The following SLC12A2 variants were observed in gnomAD, a reference collection of about 807,000 sequenced individuals.
The protein encoded by SLC12A2 is Na-K-2Cl cotransporter 1.
In SLC12A2, 67 loss-of-function variants were observed where a neutral mutation model predicts 136.3. The observed-to-expected ratio is 0.49, with a 90% CI of 0.40 to 0.60. SLC12A2 has a LOEUF of 0.60. Among genes scored for constraint, SLC12A2 ranks in the 20% least tolerant of loss-of-function variants. The probability of loss-of-function intolerance (pLI) is 0.00; values close to 1 mark genes in which losing one functional copy is unlikely to be tolerated. For synonymous variants in SLC12A2, 619 were observed against 562.9 expected, an observed-to-expected ratio of 1.10 and a Z score of -1.41; for missense variants, 1,322 against 1,534.7, an observed-to-expected ratio of 0.86 and a Z score of 2.32.
At chr5:128,087,808 G>A (rs1174661479) in intron 1 of SLC12A2, among the ~76,000 whole-genome samples, 1 of 152,072 alleles carries the variant, frequency 6.6e-6, no homozygotes, top group Non-Finnish European at 1.5e-5. Context: ...ACAAAGGATT[G>A]GATGTGGGAG....
At chr5:128,134,397 C>T in intron 6 of SLC12A2, 122 bp downstream of exon 6, 1 of 605,248 alleles carries the variant, frequency 1.7e-6, no homozygotes, top group Non-Finnish European at 3.0e-6. Flanking sequence ...TGGCCATTTT[C>T]ACAAATGTTT....
intron 14 of SLC12A2, 133 bp from the exon 15 acceptor site, chr5:128,152,573 G>C: frequency 1.5e-6 from 1 of 651,258 alleles, no homozygotes; most frequent in East Asian, 2.7e-5. Context: ...GTGAACTATT[G>C]AAAGTACAAT....
chr5:128,186,074 A>T (rs576381491), intron 26 of SLC12A2, among the ~76,000 whole-genome samples: 17 of 152,032 alleles, frequency 1.1e-4, no homozygotes, highest in Middle Eastern at 3.4e-3. Context: ...ATATATATAT[A>T]TTTTTACTGT....
At chr5:128,147,056 C>T (rs576498726) in intron 10 of SLC12A2, among the ~76,000 whole-genome samples, 40 of 146,654 alleles carry the variant, frequency 2.7e-4, no homozygotes, top group African/African-American at 4.7e-4. Flanking sequence ...ACTGAAGAGA[C>T]GCATAAACCA....
chr5:128,134,539 G>T (rs915228305), intron 6 of SLC12A2, among the ~76,000 whole-genome samples: 3 of 152,060 alleles, frequency 2.0e-5, no homozygotes, highest in Non-Finnish European at 4.4e-5. Context: ...CAGTTTTGCA[G>T]TATGTAAAAA....
At chr5:128,110,400 G>C (rs915992734) in intron 1 of SLC12A2, 1 of 1,024,586 alleles carries the variant, frequency 9.8e-7, no homozygotes, top group Non-Finnish European at 1.6e-6. Context: ...AAACTCCACA[G>C]CTGTCTTGAG....
At chr5:128,132,802 A>G (rs1436964746) in intron 5 of SLC12A2, among the ~76,000 whole-genome samples, 4 of 152,164 alleles carry the variant, frequency 2.6e-5, no homozygotes, top group Non-Finnish European at 5.9e-5. Context: ...ATTAGAGTTT[A>G]TATTCTTTCA....
intron 5 of SLC12A2, 57 bp downstream of exon 5, chr5:128,131,263 G>A: frequency 1.3e-6 from 2 of 1,541,994 alleles, no homozygotes; most frequent in African/African-American, 1.4e-5. Context: ...GGGATTATAT[G>A]CCGATCACCA....
At position 128,126,687 on chromosome 5, in the gene SLC12A2, T is replaced by C. The variant is rs80223954; in HGVS notation, c.1049-4380T>C. On this transcript the variant is annotated intron_variant, in intron 4 of 26. Coordinates refer to ENST00000262461, the MANE Select transcript of SLC12A2 (RefSeq NM_001046.3). ...TTCCTCTTTTTCTTGCCTTTTGAACTACCTAAGACCTATGGAACAATGGTG... is the reference window on the plus strand; with the variant it reads ...TTCCTCTTTTTCTTGCCTTTTGAACCACCTAAGACCTATGGAACAATGGTG... Among the ~76,000 whole-genome samples, 1,431 of 152,136 alleles carry C rather than the reference T, an allele frequency of 9.4e-3. 13 individuals are homozygous for C. Among genetic ancestry groups the C allele is most frequent in the Non-Finnish European group, 0.015 (1,033 of 67,976 alleles).
At chr5:128,157,151 G>A (rs1172762666) in intron 15 of SLC12A2, among the ~76,000 whole-genome samples, 2 of 152,094 alleles carry the variant, frequency 1.3e-5, no homozygotes, top group African/African-American at 4.8e-5. Flanking sequence ...CGTTTAAGTC[G>A]GAAATTGTAG....
Position 128,184,871 on chromosome 5 carries a change from T to C in SLC12A2, c.3503+15T>C. The C allele has an allele frequency of 1.9e-6, 3 of 1,563,418 alleles. No individual in the cohort carries two copies. The highest frequency in any genetic ancestry group is 2.6e-6 in the Non-Finnish European group (3 of 1,135,036). On this transcript the variant is annotated intron_variant, in intron 26 of 26. Coordinates refer to ENST00000262461, the MANE Select transcript of SLC12A2 (RefSeq NM_001046.3). ...ATTATTGTCATGTAAGTAATATCTT[T>C]ATAAAGATTTTCTTGCTAATTTATG... is the stretch of plus-strand genomic sequence containing the variant.
chr5:128,106,276 A>G (rs1760935798), intron 1 of SLC12A2, among the ~76,000 whole-genome samples: 1 of 152,190 alleles, frequency 6.6e-6, no homozygotes, highest in Non-Finnish European at 1.5e-5. Flanking sequence ...TGGCAGGTAG[A>G]GTGAAGATTT....
intron 1 of SLC12A2, among the ~76,000 whole-genome samples, chr5:128,092,705 G>C (rs1760380281): frequency 6.6e-6 from 1 of 152,094 alleles, no homozygotes; most frequent in Admixed American, 6.5e-5. Context: ...ATACAGTACA[G>C]CACATCTCAA....
chr5:128,176,669 A>G (rs1349447710), intron 20 of SLC12A2, among the ~76,000 whole-genome samples: 16 of 152,090 alleles, frequency 1.1e-4, no homozygotes, highest in Admixed American at 8.5e-4. Flanking sequence ...CAAACAACAA[A>G]TATCCATTAA....
intron 4 of SLC12A2, among the ~76,000 whole-genome samples, chr5:128,127,116 A>ATTTTTT (rs35726459): frequency 8.7e-5 from 6 of 68,740 alleles, no homozygotes; most frequent in Non-Finnish European, 7.5e-5. Context: ...TTGGTCTGGA[A>ATTTTTT]TTTTTTTTTT....
chr5:128,153,904 G>C (rs1340845439), intron 15 of SLC12A2, among the ~76,000 whole-genome samples: 1 of 152,074 alleles, frequency 6.6e-6, no homozygotes, highest in Non-Finnish European at 1.5e-5. Flanking sequence ...GGAGAAGAAG[G>C]AATGAGAGCC....
intron 18 of SLC12A2, chr5:128,168,117 T>C: frequency 3.7e-6 from 1 of 272,836 alleles, no homozygotes; most frequent in Non-Finnish European, 6.7e-6. Context: ...TGTATGTATA[T>C]GTATATATGT....
intron 15 of SLC12A2, among the ~76,000 whole-genome samples, chr5:128,153,237 C>T (rs1762761103): frequency 6.6e-6 from 1 of 152,138 alleles, no homozygotes; most frequent in South Asian, 2.1e-4. Context: ...TACTATTTTC[C>T]TCAATAAATG....
At chr5:128,116,935 G>T (rs1382627362) in intron 4 of SLC12A2, among the ~76,000 whole-genome samples, 1 of 152,026 alleles carries the variant, frequency 6.6e-6, no homozygotes, top group Non-Finnish European at 1.5e-5. Context: ...TTTCCACGTG[G>T]GAGAAACTAG....
Sources: allele counts gnomAD v4.1 joint callset (sites outside exome capture counted in the v4.1 genomes callset), GRCh38; gene constraint gnomAD v4.1.1; transcripts MANE v1.5; gene names NCBI Gene and HGNC (gene_info 2026-07-23, HGNC 2026-07-21).